Variants in HPSE2 observed in about 807,000 individuals in gnomAD.
HPSE2 encodes the protein inactive heparanase-2.
HPSE2 carries 38 observed loss-of-function variants against 60.5 expected under a neutral mutation model. That is an observed-to-expected ratio of 0.63 (90% CI 0.48 to 0.82). The LOEUF (loss-of-function observed/expected upper bound fraction) is 0.82, where lower values mean the gene tolerates loss of function less well. HPSE2 is among the 40% of genes least tolerant of loss of function. The pLI, the probability that HPSE2 is intolerant of heterozygous loss-of-function variation, is 0.00. For synonymous variants in HPSE2, 295 were observed against 293.2 expected, an observed-to-expected ratio of 1.01 and a Z score of -0.06; for missense variants, 713 against 740.4, an observed-to-expected ratio of 0.96 and a Z score of 0.43.
At chr10:98,588,091 T>C (rs3911759) in intron 9 of HPSE2, among the ~76,000 whole-genome samples, 7,704 of 152,314 alleles carry the variant, frequency 0.051, 248 homozygotes, top group Non-Finnish European at 0.068. Context: ...GAGTTTCAAA[T>C]TAGCCTAAAA....
At chr10:99,184,331 C>G (rs1181899622) in intron 2 of HPSE2, among the ~76,000 whole-genome samples, 1 of 151,812 alleles carries the variant, frequency 6.6e-6, no homozygotes. Context: ...TTGAGACCAG[C>G]CTGACCAACA....
chr10:98,861,403 T>C (rs1184945312), intron 3 of HPSE2, among the ~76,000 whole-genome samples: 1 of 152,104 alleles, frequency 6.6e-6, no homozygotes. Context: ...AAATGAAATA[T>C]CTTGTAATTG....
the HPSE2 span, among the ~76,000 whole-genome samples, chr10:99,291,309 G>C: frequency 6.6e-6 from 1 of 152,216 alleles, no homozygotes; most frequent in East Asian, 1.9e-4. Context: ...ACATGGGCCA[G>C]ATGCGGTGGC....
At chr10:99,031,634 G>A (rs1019312435) in intron 3 of HPSE2, among the ~76,000 whole-genome samples, 1 of 152,290 alleles carries the variant, frequency 6.6e-6, no homozygotes, top group Non-Finnish European at 1.5e-5. Flanking sequence ...TATGATTGGA[G>A]AGAATTCTAA....
chr10:99,063,763 A>T (rs1007268927), intron 3 of HPSE2, among the ~76,000 whole-genome samples: 6 of 152,210 alleles, frequency 3.9e-5, no homozygotes, highest in Non-Finnish European at 7.3e-5. Flanking sequence ...TTATATGTGC[A>T]TAGAAATATA....
chr10:98,669,203 A>G (rs1361526663), intron 6 of HPSE2, among the ~76,000 whole-genome samples: 1 of 152,238 alleles, frequency 6.6e-6, no homozygotes, highest in Non-Finnish European at 1.5e-5. Flanking sequence ...CATATCAGTC[A>G]GAATGGTGAT....
At chr10:98,980,606 T>C (rs145285608) in intron 3 of HPSE2, among the ~76,000 whole-genome samples, 172 of 152,298 alleles carry the variant, frequency 1.1e-3, no homozygotes, top group African/African-American at 4.0e-3. Context: ...GTATGAGTGA[T>C]TGAAGTCTGG....
Position 99,006,549 on chromosome 10 carries a change from C to A in HPSE2, c.610+137689G>T, listed in dbSNP as rs149898449. Among the ~76,000 whole-genome samples, 279 of 152,238 alleles carry A rather than the reference C, an allele frequency of 1.8e-3. 1 individual carries two copies. The highest frequency in any genetic ancestry group is 6.6e-3 in the African/African-American group (274 of 41,536). ...TGGCTCCAGGCTCCAAAATCTAGGGCAGAACTGAAGCCTGGGGTCCCAGAA... is the reference window on the plus strand; with the variant it reads ...TGGCTCCAGGCTCCAAAATCTAGGGAAGAACTGAAGCCTGGGGTCCCAGAA... On this transcript the variant is annotated intron_variant, in intron 3 of 11. Coordinates refer to ENST00000370552, the MANE Select transcript of HPSE2 (RefSeq NM_021828.5).
rs1950385087 is a variant in HPSE2, at chr10:98,778,264, C to CAGACAGAGAGAGAG, written c.611-34209_611-34208insCTCTCTCTCTGTCT. Reference sequence around the variant, plus strand: ...TGCAGGATGCTCAGTGAGAGAGAGACAGAGAGAGAGAGAGAGAGAGAGAGA... The same window carrying CAGACAGAGAGAGAG: ...TGCAGGATGCTCAGTGAGAGAGAGACAGACAGAGAGAGAGAGAGAGAGAGAGAGAGAGAGAGAGA... On this transcript the variant is annotated intron_variant, in intron 3 of 11. Coordinates refer to ENST00000370552, the MANE Select transcript of HPSE2 (RefSeq NM_021828.5). Among the ~76,000 whole-genome samples, 5 of 112,656 alleles carry CAGACAGAGAGAGAG rather than the reference C, an allele frequency of 4.4e-5. 1 individual carries two copies. The highest frequency in any genetic ancestry group is 1.8e-5 in the Non-Finnish European group (1 of 54,996). The allele number at this position is 112,656 out of a possible 152,430, so 73.9% of individuals were successfully genotyped here.
intron 5 of HPSE2, among the ~76,000 whole-genome samples, chr10:98,718,909 T>A (rs569469538): frequency 6.6e-6 from 1 of 152,160 alleles, no homozygotes; most frequent in Non-Finnish European, 1.5e-5. Flanking sequence ...TGGCTTATTG[T>A]ATATTCCAAA....
At chr10:99,206,434 C>CTGCAAAAAA (rs1848748528) in intron 2 of HPSE2, among the ~76,000 whole-genome samples, 2 of 151,632 alleles carry the variant, frequency 1.3e-5, no homozygotes, top group Non-Finnish European at 2.9e-5. Context: ...AACCCAATGT[C>CTGCAAAAAA]TACAAAAAAT....
intron 1 of HPSE2, among the ~76,000 whole-genome samples, chr10:99,233,539 A>G (rs1334855426): frequency 6.6e-6 from 1 of 152,216 alleles, no homozygotes; most frequent in African/African-American, 2.4e-5. Flanking sequence ...GATACTGATA[A>G]TGCAGAGGGG....
chr10:99,218,785 C>T (rs1849218263), intron 2 of HPSE2, among the ~76,000 whole-genome samples: 1 of 152,144 alleles, frequency 6.6e-6, no homozygotes, highest in African/African-American at 2.4e-5. Flanking sequence ...TTTAGTTTCA[C>T]CTATGGATTT....
chr10:98,718,378 G>C (rs1048156287), intron 5 of HPSE2, among the ~76,000 whole-genome samples: 14 of 152,122 alleles, frequency 9.2e-5, no homozygotes, highest in Admixed American at 4.6e-4. Context: ...TGGAAAGACA[G>C]TCCTGTTTAG....
At chr10:99,274,661 A>G in the HPSE2 span, among the ~76,000 whole-genome samples, 5 of 152,296 alleles carry the variant, frequency 3.3e-5, no homozygotes, top group Admixed American at 1.3e-4. Flanking sequence ...AAAAAGAGAG[A>G]GAACATTTCC....
chr10:98,684,065 C>T (rs1395886166), intron 6 of HPSE2, among the ~76,000 whole-genome samples: 1 of 152,192 alleles, frequency 6.6e-6, no homozygotes, highest in East Asian at 1.9e-4. Context: ...ACTACAGGGT[C>T]TCAACGTGTT....
chr10:98,685,272 T>A (rs930594640), intron 6 of HPSE2, among the ~76,000 whole-genome samples: 13 of 152,210 alleles, frequency 8.5e-5, no homozygotes, highest in Non-Finnish European at 1.8e-4. Context: ...CTTTTTCTTA[T>A]GCAATTTTAC....
chr10:98,621,219 C>T (rs28483455), intron 7 of HPSE2, among the ~76,000 whole-genome samples: 11,590 of 152,064 alleles, frequency 0.076, 1,505 homozygotes, highest in African/African-American at 0.26. Context: ...TGTAATCACA[C>T]TTTGAAAATA....
chr10:99,199,462 T>C (rs1848505488), intron 2 of HPSE2, among the ~76,000 whole-genome samples: 1 of 152,108 alleles, frequency 6.6e-6, no homozygotes, highest in South Asian at 2.1e-4. Flanking sequence ...GGGTATGGTA[T>C]AAAATAAGGG....
Sources: gnomAD v4.1 joint callset for allele counts (sites outside exome capture counted in the v4.1 genomes callset) on GRCh38, gnomAD v4.1.1 for gene constraint, MANE v1.5 for transcripts, NCBI Gene and HGNC (gene_info 2026-07-23, HGNC 2026-07-21) for gene names.